MSRB3: variants seen among roughly 807,000 people sequenced by gnomAD.
MSRB3 encodes methionine sulfoxide reductase B3.
In MSRB3, 13 loss-of-function variants were observed where a neutral mutation model predicts 21.0. The ratio of observed to expected loss-of-function variants is 0.62; its 90% CI spans 0.40 to 0.98. The LOEUF (loss-of-function observed/expected upper bound fraction) is 0.98, where lower values mean the gene tolerates loss of function less well. Among genes scored for constraint, MSRB3 ranks in the 50% least tolerant of loss-of-function variants. MSRB3 has a pLI of 0.00. For synonymous variants in MSRB3, 87 were observed against 88.6 expected (o/e 0.98, Z 0.10); for missense variants, 199 against 230.3 (o/e 0.86, Z 0.88).
rs531213625 is a variant in MSRB3, at chr12:65,335,275, A to G, written c.263+6672A>G. On this transcript the variant is annotated intron_variant, in intron 4 of 6. Transcript: ENST00000308259. ...GCCTAAAAAATCCTTACAATGTGAGAAAGTACAGGCTTTATTAGACAGGGT... is the reference window on the plus strand; with the variant it reads ...GCCTAAAAAATCCTTACAATGTGAGGAAGTACAGGCTTTATTAGACAGGGT... Among the ~76,000 whole-genome samples, 13 of 152,332 alleles carry G rather than the reference A, an allele frequency of 8.5e-5. 1 individual carries two copies. The South Asian group carries it at 2.7e-3, about 32-fold the overall frequency.
At chr12:65,426,675 G>A (rs1222224557) in intron 5 of MSRB3, among the ~76,000 whole-genome samples, 1 of 152,002 alleles carries the variant, frequency 6.6e-6, no homozygotes, top group Non-Finnish European at 1.5e-5. Flanking sequence ...AAATCCTATA[G>A]CATGAATATT....
At chr12:65,347,735 C>T (rs1049233494) in intron 4 of MSRB3, among the ~76,000 whole-genome samples, 1 of 152,188 alleles carries the variant, frequency 6.6e-6, no homozygotes. Context: ...TCATAGATAA[C>T]TCTTATTATT....
intron 5 of MSRB3, among the ~76,000 whole-genome samples, chr12:65,425,719 T>G (rs988495017): frequency 6.6e-6 from 1 of 152,162 alleles, no homozygotes; most frequent in East Asian, 1.9e-4. Context: ...AGCAAATTAT[T>G]GTAGCTATTA....
chr12:65,380,274 G>C (rs1343394246), intron 5 of MSRB3, among the ~76,000 whole-genome samples: 1 of 152,194 alleles, frequency 6.6e-6, no homozygotes, highest in Non-Finnish European at 1.5e-5. Flanking sequence ...CAACTTGCCA[G>C]AACTGGAGTA....
intron 5 of MSRB3, among the ~76,000 whole-genome samples, chr12:65,403,713 G>C (rs1025412044): frequency 4.6e-5 from 7 of 152,186 alleles, no homozygotes; most frequent in Non-Finnish European, 8.8e-5. Flanking sequence ...TTTTGTGCTT[G>C]AATCTCAGGG....
At chr12:65,416,692 A>G (rs2136634860) in intron 5 of MSRB3, among the ~76,000 whole-genome samples, 1 of 152,342 alleles carries the variant, frequency 6.6e-6, no homozygotes, top group African/African-American at 2.4e-5. Flanking sequence ...AATGGCTAAG[A>G]TGTCACTAGG....
intron 5 of MSRB3, among the ~76,000 whole-genome samples, chr12:65,382,458 A>G (rs1240882111): frequency 3.9e-5 from 6 of 152,054 alleles, no homozygotes. Context: ...AGTGTGAATG[A>G]AAGTGGCATT....
chr12:65,317,793 A>G (rs149842089), intron 2 of MSRB3, among the ~76,000 whole-genome samples: 9 of 152,290 alleles, frequency 5.9e-5, no homozygotes, highest in Non-Finnish European at 1.0e-4. Flanking sequence ...AGCAAATGTT[A>G]TTGTTGCTGT....
intron 5 of MSRB3, among the ~76,000 whole-genome samples, chr12:65,446,726 C>T (rs922248657): frequency 9.5e-6 from 1 of 105,290 alleles, no homozygotes; most frequent in African/African-American, 3.1e-5. Flanking sequence ...TCAAAGTTTT[C>T]CCAAGAAAAA....
chr12:65,378,802 G>A (rs1452249051), intron 5 of MSRB3, among the ~76,000 whole-genome samples: 2 of 152,156 alleles, frequency 1.3e-5, no homozygotes, highest in East Asian at 3.8e-4. Flanking sequence ...AATGAGAAAT[G>A]TAATTTTCAC....
chr12:65,278,885 C>T lies in MSRB3; in HGVS notation c.-52+20C>T. 3 of 1,550,778 alleles carry T rather than the reference C, an allele frequency of 1.9e-6. No homozygotes were observed. Among genetic ancestry groups the T allele is most frequent in the South Asian group, 1.2e-5 (1 of 84,022 alleles). ...AGTCCGGTAAGTTCGGGCTCCCCTC[C>T]CCTCTCCTCCTCGCCTCACCCCTCC... On this transcript the variant is annotated intron_variant, in intron 1 of 6. Transcript: ENST00000308259.
chr12:65,438,571 G>A (rs1025279571), intron 5 of MSRB3, among the ~76,000 whole-genome samples: 1 of 151,824 alleles, frequency 6.6e-6, no homozygotes, highest in Admixed American at 6.6e-5. Flanking sequence ...TGTTAGGTTA[G>A]CATTCAGTTT....
chr12:65,342,540 G>A (rs1271945420), intron 4 of MSRB3, among the ~76,000 whole-genome samples: 2 of 151,902 alleles, frequency 1.3e-5, no homozygotes, highest in African/African-American at 4.8e-5. Flanking sequence ...AGTGTGAATT[G>A]GTAGTACCTT....
chr12:65,282,945 T>C (rs2136382422), intron 1 of MSRB3, among the ~76,000 whole-genome samples: 1 of 152,292 alleles, frequency 6.6e-6, no homozygotes, highest in South Asian at 2.1e-4. Flanking sequence ...GAGGTTATAG[T>C]CCTTAAAATG....
intron 5 of MSRB3, among the ~76,000 whole-genome samples, chr12:65,377,551 C>T (rs899375536): frequency 1.3e-5 from 2 of 152,324 alleles, no homozygotes; most frequent in South Asian, 2.1e-4. Flanking sequence ...CCATCTGCCT[C>T]GGCCTCCCAA....
At chr12:65,316,158 CT>C (rs1874283069) in intron 2 of MSRB3, 1 of 152,064 alleles carries the variant, frequency 6.6e-6, no homozygotes, top group Non-Finnish European at 1.5e-5. Flanking sequence ...CCCCAGGAAT[CT>C]TTGTTTTGTA....
intron 6 of MSRB3, 26 bp downstream of exon 6, chr12:65,453,851 A>G (rs769304971): frequency 2.0e-5 from 31 of 1,575,962 alleles, no homozygotes; most frequent in Admixed American, 1.8e-4. Context: ...CTGAAAACCC[A>G]ATACATTGCT....
At chr12:65,416,399 T>G (rs996538367) in intron 5 of MSRB3, among the ~76,000 whole-genome samples, 1 of 152,208 alleles carries the variant, frequency 6.6e-6, no homozygotes, top group Admixed American at 6.5e-5. Context: ...TGTGATCCCA[T>G]GTAACAATGT....
chr12:65,284,797 G>C (rs1213992261), intron 1 of MSRB3: 1 of 152,140 alleles, frequency 6.6e-6, no homozygotes, highest in Non-Finnish European at 1.5e-5. Flanking sequence ...CCTTGTTGAG[G>C]GGACATCACA....
Sources: gnomAD v4.1 joint callset for allele counts (sites outside exome capture counted in the v4.1 genomes callset) on GRCh38, gnomAD v4.1.1 for gene constraint, MANE v1.5 for transcripts, NCBI Gene and HGNC (gene_info 2026-07-23, HGNC 2026-07-21) for gene names.